PCED1B: variants seen among roughly 807,000 people sequenced by gnomAD.
PCED1B encodes PC-esterase domain containing 1B, also known as PC-esterase domain-containing protein 1B.
For missense variants in PCED1B, 573 were observed against 573.9 expected (o/e 1.00, Z 0.02); for synonymous variants, 251 against 246.1 (o/e 1.02, Z -0.19).
At chr12:47,139,324 G>A (rs1229528933) in intron 2 of PCED1B, among the ~76,000 whole-genome samples, 1 of 152,192 alleles carries the variant, frequency 6.6e-6, no homozygotes, top group East Asian at 1.9e-4. Flanking sequence ...GGACAGTAAT[G>A]GGGAGCAGCA....
At chr12:47,081,974 A>AT (rs1565735910) in intron 1 of PCED1B, among the ~76,000 whole-genome samples, 2 of 152,234 alleles carry the variant, frequency 1.3e-5, no homozygotes, top group African/African-American at 2.4e-5. Flanking sequence ...AGACAAGGCT[A>AT]TTTATCCATT....
intron 2 of PCED1B, among the ~76,000 whole-genome samples, chr12:47,137,643 C>T (rs907028850): frequency 2.7e-5 from 4 of 148,972 alleles, no homozygotes; most frequent in Non-Finnish European, 4.4e-5. Flanking sequence ...GTAGGAGGAT[C>T]ACTTGAGCCT....
intron 2 of PCED1B, among the ~76,000 whole-genome samples, chr12:47,214,724 G>T (rs2137789702): frequency 6.6e-6 from 1 of 152,188 alleles, no homozygotes; most frequent in South Asian, 2.1e-4. Flanking sequence ...AATAAAAGTT[G>T]TCTGAGAGCA....
intron 1 of PCED1B, among the ~76,000 whole-genome samples, chr12:47,097,981 A>T (rs1366867828): frequency 6.6e-6 from 1 of 152,244 alleles, no homozygotes; most frequent in Admixed American, 6.5e-5. Flanking sequence ...GCCATAGCAA[A>T]TAAGGTCTTA....
chr12:47,193,444 C>A (rs1942508159), intron 2 of PCED1B, among the ~76,000 whole-genome samples: 1 of 152,148 alleles, frequency 6.6e-6, no homozygotes, highest in East Asian at 1.9e-4. Context: ...ATTGTTTCAG[C>A]CCATCACCTT....
intron 2 of PCED1B, among the ~76,000 whole-genome samples, chr12:47,168,614 T>C (rs1941620458): frequency 6.6e-6 from 1 of 152,198 alleles, no homozygotes; most frequent in African/African-American, 2.4e-5. Context: ...TTTTCAGCTC[T>C]TAATCTTTAA....
chr12:47,090,632 C>T (rs769637761), intron 1 of PCED1B, among the ~76,000 whole-genome samples: 3 of 152,102 alleles, frequency 2.0e-5, no homozygotes, highest in Non-Finnish European at 4.4e-5. Flanking sequence ...CCAGTGGTAA[C>T]CACTCTGCTG....
intron 2 of PCED1B, among the ~76,000 whole-genome samples, chr12:47,203,118 C>T (rs1285527446): frequency 3.3e-5 from 5 of 151,756 alleles, no homozygotes; most frequent in Admixed American, 2.0e-4. Flanking sequence ...TACAGGCAGC[C>T]GCCACCATGC....
intron 2 of PCED1B, among the ~76,000 whole-genome samples, chr12:47,152,355 G>A (rs1941024986): frequency 6.6e-6 from 1 of 152,124 alleles, no homozygotes; most frequent in Admixed American, 6.5e-5. Flanking sequence ...ACACTGAGAA[G>A]GGCACAATAT....
intron 2 of PCED1B, among the ~76,000 whole-genome samples, chr12:47,207,125 G>A (rs888658358): frequency 1.3e-5 from 2 of 152,174 alleles, no homozygotes; most frequent in Admixed American, 1.3e-4. Context: ...CTAGCTCAGG[G>A]CCTTGAGGGA....
intron 2 of PCED1B, among the ~76,000 whole-genome samples, chr12:47,125,512 A>G (rs1326904688): frequency 1.3e-5 from 2 of 151,940 alleles, no homozygotes; most frequent in African/African-American, 2.4e-5. Context: ...TTTTCGTATG[A>G]AGTTTATGAT....
At chr12:47,231,343 C>A (rs952306904) in intron 3 of PCED1B, among the ~76,000 whole-genome samples, 1 of 152,086 alleles carries the variant, frequency 6.6e-6, no homozygotes, top group African/African-American at 2.4e-5. Context: ...AATGACAGGA[C>A]AAAGGGGTAT....
At chr12:47,191,548 G>C (rs1942438942) in intron 2 of PCED1B, among the ~76,000 whole-genome samples, 1 of 152,138 alleles carries the variant, frequency 6.6e-6, no homozygotes. Context: ...ATTGGGGGAA[G>C]TCATGTTTCC....
intron 2 of PCED1B, among the ~76,000 whole-genome samples, chr12:47,139,374 A>T (rs1262528089): frequency 6.9e-6 from 1 of 145,216 alleles, no homozygotes; most frequent in Non-Finnish European, 1.5e-5. Context: ...GCTATCCTGC[A>T]CTGGGGGAGG....
At chr12:47,192,311 G>A (rs1942470307) in intron 2 of PCED1B, among the ~76,000 whole-genome samples, 1 of 152,002 alleles carries the variant, frequency 6.6e-6, no homozygotes, top group South Asian at 2.1e-4. Flanking sequence ...TAAATAGGCT[G>A]CAGAGAACAG....
In PCED1B at chr12:47,231,348, G is replaced by A. The variant is rs746228116; in HGVS notation, c.-57-3659G>A. Among the ~76,000 whole-genome samples the A allele has an allele frequency of 2.6e-5, 4 of 152,282 alleles. No homozygotes were observed. The South Asian group carries it at 8.3e-4, about 32-fold the overall frequency. Reference sequence around the variant, plus strand: ...TTTGTGAAGAAATGACAGGACAAAGGGGTATAAGCTGGGGGTAGTAAATTC... The same window carrying A: ...TTTGTGAAGAAATGACAGGACAAAGAGGTATAAGCTGGGGGTAGTAAATTC... On this transcript the variant is annotated intron_variant, in intron 3 of 3. Transcript: ENST00000546455.
chr12:47,107,312 G>GAACC (rs956762646), intron 2 of PCED1B, among the ~76,000 whole-genome samples: 1 of 150,910 alleles, frequency 6.6e-6, no homozygotes, highest in Non-Finnish European at 1.5e-5. Context: ...CTGTATCCAT[G>GAACC]AACCATTGTA....
intron 2 of PCED1B, among the ~76,000 whole-genome samples, chr12:47,213,910 T>G (rs1320150407): frequency 2.0e-5 from 3 of 152,228 alleles, no homozygotes; most frequent in Admixed American, 6.5e-5. Flanking sequence ...GATTATCATT[T>G]GCATTATTAC....
chr12:47,196,336 A>G (rs1942601527), intron 2 of PCED1B, among the ~76,000 whole-genome samples: 1 of 152,208 alleles, frequency 6.6e-6, no homozygotes, highest in African/African-American at 2.4e-5. Context: ...TACTCAACCT[A>G]TTTGTGCCTC....
Sources: gnomAD v4.1 joint callset for allele counts (sites outside exome capture counted in the v4.1 genomes callset) on GRCh38, gnomAD v4.1.1 for gene constraint, MANE v1.5 for transcripts, NCBI Gene and HGNC (gene_info 2026-07-23, HGNC 2026-07-21) for gene names.